CADM2: variants seen among roughly 807,000 people sequenced by gnomAD.
The protein encoded by CADM2 is cell adhesion molecule 2, also known as immunoglobulin superfamily member 4D.
CADM2 carries 12 observed loss-of-function variants against 49.8 expected under a neutral mutation model. The ratio of observed to expected loss-of-function variants is 0.24; its 90% CI spans 0.15 to 0.39. The LOEUF (loss-of-function observed/expected upper bound fraction) is 0.39, where lower values mean the gene tolerates loss of function less well. Ranked by LOEUF, CADM2 falls within the 10% of genes least tolerant of loss-of-function variation. CADM2 has a pLI of 1.00. For synonymous variants in CADM2, 214 were observed against 175.4 expected (o/e 1.22, Z -1.74); for missense variants, 378 against 492.3 (o/e 0.77, Z 2.20).
At chr3:85,277,759 G>A (rs1164860571) in intron 1 of CADM2, among the ~76,000 whole-genome samples, 3 of 151,188 alleles carry the variant, frequency 2.0e-5, no homozygotes, top group African/African-American at 7.3e-5. Flanking sequence ...TTTATAGTAT[G>A]TTTGCCTTTT....
intron 1 of CADM2, among the ~76,000 whole-genome samples, chr3:85,620,614 A>G (rs2063944332): frequency 6.6e-6 from 1 of 152,122 alleles, no homozygotes; most frequent in African/African-American, 2.4e-5. Context: ...AGTTACAGAC[A>G]GTATTTTTAA....
chr3:85,078,689 T>A (rs1027127604), intron 1 of CADM2, among the ~76,000 whole-genome samples: 1 of 151,966 alleles, frequency 6.6e-6, no homozygotes, highest in East Asian at 1.9e-4. Context: ...TTTCTTTCTT[T>A]TTTTTTTCTC....
rs1457170793 is a variant in CADM2, at chr3:84,959,428, G to C, written c.-180G>C. 1.7e-6 allele frequency: 1 copy of C among 597,108 alleles called. No individual in the cohort carries two copies. Among genetic ancestry groups the C allele is most frequent in the Non-Finnish European group, 3.0e-6 (1 of 337,262 alleles). 37.0% of individuals were successfully genotyped at this position (597,108 alleles called of 1,614,324 possible). On this transcript the variant is annotated 5_prime_UTR_variant, in exon 1 of 10. Coordinates refer to ENST00000383699, the MANE Select transcript of CADM2 (RefSeq NM_001167675.2). ...CGATACCCCATTCTGCGGGTGCTTT[G>C]CCGCTGCCGCTTCTGCTGCCGCCGA...
chr3:85,526,845 C>G, intron 1 of CADM2, among the ~76,000 whole-genome samples: 1 of 152,078 alleles, frequency 6.6e-6, no homozygotes, highest in Non-Finnish European at 1.5e-5. Flanking sequence ...CATTTTATAG[C>G]TAAGGGAACT....
chr3:85,174,281 T>C (rs906637949), intron 1 of CADM2, among the ~76,000 whole-genome samples: 1 of 152,308 alleles, frequency 6.6e-6, no homozygotes, highest in East Asian at 1.9e-4. Context: ...TGTTGTGCCC[T>C]GTAAGAAAGC....
intron 1 of CADM2, among the ~76,000 whole-genome samples, chr3:85,078,425 T>C (rs1236069024): frequency 6.6e-6 from 1 of 151,936 alleles, no homozygotes; most frequent in Non-Finnish European, 1.5e-5. Flanking sequence ...ACAAAGCAAA[T>C]ATATTTAATT....
chr3:85,624,023 A>G (rs1027607616), intron 1 of CADM2, among the ~76,000 whole-genome samples: 3 of 152,134 alleles, frequency 2.0e-5, no homozygotes, highest in Non-Finnish European at 4.4e-5. Context: ...ATGTTGTCTT[A>G]AGGCCAAATA....
intron 1 of CADM2, among the ~76,000 whole-genome samples, chr3:85,486,255 T>C (rs561074973): frequency 1.1e-4 from 16 of 152,268 alleles, no homozygotes; most frequent in African/African-American, 3.6e-4. Flanking sequence ...TTTTATGGCG[T>C]ATGTAATTTA....
At chr3:85,270,590 G>A (rs1415113887) in intron 1 of CADM2, among the ~76,000 whole-genome samples, 1 of 151,118 alleles carries the variant, frequency 6.6e-6, no homozygotes, top group Non-Finnish European at 1.5e-5. Context: ...AGCATCAACA[G>A]TTCAAATCTG....
intron 8 of CADM2, among the ~76,000 whole-genome samples, chr3:86,024,380 G>A (rs374079225): frequency 1.2e-4 from 18 of 152,220 alleles, no homozygotes; most frequent in East Asian, 7.7e-4. Context: ...AATCTCTATT[G>A]CTGAGTTATA....
intron 1 of CADM2, among the ~76,000 whole-genome samples, chr3:85,062,618 T>G (rs1184307047): frequency 6.6e-6 from 1 of 151,904 alleles, no homozygotes; most frequent in Non-Finnish European, 1.5e-5. Flanking sequence ...AGTAATATAA[T>G]TCTATAAATG....
chr3:85,437,413 GT>G (rs2036982728), intron 1 of CADM2, among the ~76,000 whole-genome samples: 1 of 152,114 alleles, frequency 6.6e-6, no homozygotes, highest in Admixed American at 6.6e-5. Context: ...GTTAAGCTTT[GT>G]AAGAAACTGC....
intron 1 of CADM2, among the ~76,000 whole-genome samples, chr3:85,387,211 G>A (rs2034279320): frequency 6.6e-6 from 1 of 152,122 alleles, no homozygotes; most frequent in South Asian, 2.1e-4. Flanking sequence ...TAGGTGTTTG[G>A]AAAAGTAATT....
chr3:85,254,586 A>G (rs2042844617), intron 1 of CADM2, among the ~76,000 whole-genome samples: 1 of 152,104 alleles, frequency 6.6e-6, no homozygotes, highest in Non-Finnish European at 1.5e-5. Flanking sequence ...TTTTCATTTC[A>G]GAGTTTGCCA....
At chr3:85,101,911 C>A (rs111360961) in intron 1 of CADM2, among the ~76,000 whole-genome samples, 2 of 151,998 alleles carry the variant, frequency 1.3e-5, no homozygotes, top group East Asian at 3.9e-4. Context: ...AAGATGACAC[C>A]CACAGTGTGT....
chr3:85,254,099 T>C (rs2042833870), intron 1 of CADM2, among the ~76,000 whole-genome samples: 1 of 152,120 alleles, frequency 6.6e-6, no homozygotes, highest in South Asian at 2.1e-4. Context: ...ATCCTTGGAG[T>C]TCTTATAACC....
intron 1 of CADM2, among the ~76,000 whole-genome samples, chr3:85,654,688 A>G (rs2065144809): frequency 6.6e-6 from 1 of 152,140 alleles, no homozygotes; most frequent in African/African-American, 2.4e-5. Flanking sequence ...TTAAAATTGG[A>G]TAGCCTCTAA....
At chr3:85,193,733 T>C (rs532237946) in intron 1 of CADM2, among the ~76,000 whole-genome samples, 1 of 152,214 alleles carries the variant, frequency 6.6e-6, no homozygotes, top group Admixed American at 6.5e-5. Context: ...TTTGATCATA[T>C]TGGGCCCTAG....
At chr3:85,491,209 C>T (rs192381746) in intron 1 of CADM2, among the ~76,000 whole-genome samples, 13 of 152,174 alleles carry the variant, frequency 8.5e-5, no homozygotes, top group East Asian at 1.9e-4. Context: ...CCTTGTTGTA[C>T]GTCAGGGAGA....
Sources: allele counts gnomAD v4.1 joint callset (sites outside exome capture counted in the v4.1 genomes callset), GRCh38; gene constraint gnomAD v4.1.1; transcripts MANE v1.5; gene names NCBI Gene and HGNC (gene_info 2026-07-23, HGNC 2026-07-21).